The following ADRA1B variants were observed in gnomAD, a reference collection of about 807,000 sequenced individuals.
ADRA1B encodes alpha-1B adrenergic receptor.
Under a neutral mutation model 17.9 loss-of-function variants are expected in ADRA1B, and 17 were observed. The observed-to-expected ratio is 0.95, with a 90% CI of 0.65 to 1.42. ADRA1B has a LOEUF of 1.42. Ranked by LOEUF, ADRA1B falls within the 40% of genes most tolerant of loss-of-function variation. The probability of loss-of-function intolerance (pLI) is 0.00; values close to 1 mark genes in which losing one functional copy is unlikely to be tolerated. For synonymous variants in ADRA1B, 366 were observed against 327.6 expected (o/e 1.12, Z -1.27); for missense variants, 681 against 722.1 (o/e 0.94, Z 0.65).
intron 1 of ADRA1B, among the ~76,000 whole-genome samples, chr5:159,880,134 C>T (rs1753848437): frequency 6.6e-6 from 1 of 152,300 alleles, no homozygotes; most frequent in East Asian, 1.9e-4. Flanking sequence ...TATGAAGGCC[C>T]TTTTTGGGCA....
Position 159,891,241 on chromosome 5 carries a change from T to C in ADRA1B, c.-255-24878T>C, listed in dbSNP as rs555546846. Among the ~76,000 whole-genome samples, 8 of 152,348 alleles carry C rather than the reference T, an allele frequency of 5.3e-5. No individual in the cohort carries two copies. In the South Asian group the frequency reaches 1.7e-3, roughly 32 times the overall value. On this transcript the variant is annotated intron_variant, in intron 1 of 2. Transcript: ENST00000641205. Reference sequence around the variant, plus strand: ...AGAGCTATGCACTGCTTTATAGTACTTTTGCTTGCACAGGCTTATTAAATC... The same window carrying C: ...AGAGCTATGCACTGCTTTATAGTACCTTTGCTTGCACAGGCTTATTAAATC...
At chr5:159,975,523 C>T (rs536370530), downstream of ADRA1B, among the ~76,000 whole-genome samples, 35 of 152,282 alleles carry the variant, frequency 2.3e-4, no homozygotes, top group South Asian at 5.6e-3. Context: ...TAATTTGGAC[C>T]TTGGATATTT....
At chr5:159,950,937 C>A in intron 1 of ADRA1B, 1 of 571,132 alleles carries the variant, frequency 1.8e-6, no homozygotes, top group Non-Finnish European at 3.3e-6. Flanking sequence ...GAGAGGCCAT[C>A]CACAATCTTC....
intron 1 of ADRA1B, among the ~76,000 whole-genome samples, chr5:159,939,115 G>A (rs1011669669): frequency 6.6e-6 from 1 of 152,160 alleles, no homozygotes; most frequent in African/African-American, 2.4e-5. Flanking sequence ...CCCTCAGCAA[G>A]GGGCAGTGTC....
rs750573642 is a variant in ADRA1B, at chr5:159,917,453, G to A, written c.548G>A (p.Gly183Glu). Residue 183 changes from glycine (G) to glutamate (E), a missense_variant, in exon 1 of 2, where the codon GGG (glycine) becomes GAG (glutamate). Gly to Glu is a moderately conservative substitution (Grantham distance 98). Transcript: ENST00000306675. ...STVISIGPLLGWKEPAPNDDK... is the reference protein window; with the variant it reads ...STVISIGPLLEWKEPAPNDDK... ...GTCATCTCCATCGGGCCTCTCCTTG[G>A]GTGGAAGGAGCCGGCACCCAACGAT... 6.2e-7 allele frequency: 1 copy of A among 1,614,140 alleles called. No homozygotes were observed. Among genetic ancestry groups the A allele is most frequent in the African/African-American group, 1.3e-5 (1 of 75,038 alleles).
chr5:159,984,858 T>G, the ADRA1B span, among the ~76,000 whole-genome samples: 1 of 148,510 alleles, frequency 6.7e-6, no homozygotes. Flanking sequence ...ACAGTGAGGA[T>G]CAGGCCACAT....
chr5:159,972,742 C>G lies in ADRA1B; in HGVS notation c.*250C>G, dbSNP rs919216701. Among the ~76,000 whole-genome samples the G allele has an allele frequency of 9.2e-5, 14 of 152,324 alleles. No individual in the cohort carries two copies. Among genetic ancestry groups the G allele is most frequent in the Admixed American group, 2.0e-4 (3 of 15,304 alleles). ...ACGCCGCCGGGATTTACCTCTCTCT[C>G]TCCCTCTGTGTATATATAAACGAGT... On this transcript the variant is annotated 3_prime_UTR_variant, in exon 2 of 2. Coordinates refer to ENST00000306675, the MANE Select transcript of ADRA1B (RefSeq NM_000679.4).
chr5:159,972,229 G>A lies in ADRA1B; in HGVS notation c.1300G>A (p.Gly434Ser), dbSNP rs771662657. Residue 434 changes from glycine to serine, a missense_variant, in exon 2 of 2, where the codon GGC becomes AGC. Transcript: ENST00000306675. ...GCCGAGCCCGGGCTACCTGGGCCGC[G>A]GCGCGCCACCGCCAGTCGAGCTGTG... ...ASPSPGYLGR[G>S]APPPVELCAF... 4 of 1,352,492 alleles carry A rather than the reference G, an allele frequency of 3.0e-6. No individual in the cohort carries two copies. The highest frequency in any genetic ancestry group is 1.7e-5 in the South Asian group (1 of 58,470). 83.8% of individuals were successfully genotyped at this position (1,352,492 alleles called of 1,614,324 possible). A position where few individuals can be genotyped will look rare whatever the true frequency, so the allele number is the denominator to read the frequency against.
chr5:159,982,637 C>T, the ADRA1B span, among the ~76,000 whole-genome samples: 1 of 151,870 alleles, frequency 6.6e-6, no homozygotes, highest in African/African-American at 2.4e-5. Context: ...CACCCCCAGC[C>T]TGGACAATCC....
In ADRA1B at chr5:159,908,412, G is replaced by A. The variant is rs568155573; in HGVS notation, c.-255-7707G>A. On this transcript the variant is annotated intron_variant, in intron 1 of 2. Transcript: ENST00000641205. ...AAGTGGGGCCTGGTGGGAGGTGTTC[G>A]GATTGTGAGGGAGGATCCCTTATGA... Among the ~76,000 whole-genome samples the A allele has an allele frequency of 7.9e-5, 12 of 152,260 alleles. No homozygotes were observed. The South Asian group carries it at 1.7e-3, about 21-fold the overall frequency.
chr5:159,971,853 C>CGGGGGGGGGGGGGGGGGGGGGGG, intron 1 of ADRA1B, 26 bp from the exon 2 acceptor site: 8 of 1,305,866 alleles, frequency 6.1e-6, no homozygotes, highest in Admixed American at 3.1e-5. Context: ...TCTTTCTGCC[C>CGGGGGGGGGGGGGGGGGGGGGGG]GTGCCCACCC....
At chr5:159,954,372 G>T (rs1755511076) in intron 1 of ADRA1B, among the ~76,000 whole-genome samples, 1 of 152,128 alleles carries the variant, frequency 6.6e-6, no homozygotes, top group Non-Finnish European at 1.5e-5. Flanking sequence ...TGGGGAGGAA[G>T]CTCTCTGGGA....
intron 1 of ADRA1B, among the ~76,000 whole-genome samples, chr5:159,886,763 A>G (rs1753929763): frequency 6.6e-6 from 1 of 152,164 alleles, no homozygotes; most frequent in African/African-American, 2.4e-5. Context: ...TGGTCTTATA[A>G]TTAAGCAGAT....
upstream of ADRA1B, among the ~76,000 whole-genome samples, chr5:159,912,911 A>T (rs1754242378): frequency 6.6e-6 from 1 of 152,222 alleles, no homozygotes; most frequent in Admixed American, 6.5e-5. Context: ...GCTTGGTTTC[A>T]TTCATCTTTG....
chr5:159,941,237 T>C (rs1386179225), intron 1 of ADRA1B, among the ~76,000 whole-genome samples: 1 of 152,258 alleles, frequency 6.6e-6, no homozygotes, highest in Non-Finnish European at 1.5e-5. Flanking sequence ...AACAGCTACG[T>C]GTGGCTAGTG....
At chr5:159,940,329 C>T (rs1187969083) in intron 1 of ADRA1B, among the ~76,000 whole-genome samples, 1 of 152,062 alleles carries the variant, frequency 6.6e-6, no homozygotes, top group Non-Finnish European at 1.5e-5. Flanking sequence ...AATATCTAAT[C>T]ACTCTCAATA....
chr5:159,883,057 G>T (rs1042203801), intron 1 of ADRA1B, among the ~76,000 whole-genome samples: 1 of 152,132 alleles, frequency 6.6e-6, no homozygotes, highest in Non-Finnish European at 1.5e-5. Context: ...GCCAGTTGCT[G>T]GTTCTAGGCT....
intron 1 of ADRA1B, among the ~76,000 whole-genome samples, chr5:159,872,370 G>C (rs995144898): frequency 1.3e-5 from 2 of 152,150 alleles, no homozygotes; most frequent in African/African-American, 4.8e-5. Flanking sequence ...TCAGCTAGAA[G>C]CCAGCTGATG....
At chr5:159,871,752 C>A (rs1321028883) in intron 1 of ADRA1B, among the ~76,000 whole-genome samples, 1 of 152,114 alleles carries the variant, frequency 6.6e-6, no homozygotes, top group Non-Finnish European at 1.5e-5. Flanking sequence ...GCTATTCAAC[C>A]CAATACAAAG....
Sources: gnomAD v4.1 joint callset for allele counts (sites outside exome capture counted in the v4.1 genomes callset) on GRCh38, gnomAD v4.1.1 for gene constraint, MANE v1.5 for transcripts, NCBI Gene and HGNC (gene_info 2026-07-23, HGNC 2026-07-21) for gene names.